PCDH11X: variants seen among roughly 807,000 people sequenced by gnomAD.
The protein encoded by PCDH11X is protocadherin 11 X-linked.
PCDH11X carries 18 observed loss-of-function variants against 53.3 expected under a neutral mutation model. The observed-to-expected ratio is 0.34, with a 90% confidence interval of 0.23 to 0.50. PCDH11X has a LOEUF of 0.50. Ranked by LOEUF, PCDH11X falls within the 20% of genes least tolerant of loss-of-function variation. PCDH11X has a pLI of 0.98. For missense variants in PCDH11X, 570 were observed against 1,032.4 expected, an observed-to-expected ratio of 0.55 and a Z score of 6.14; for synonymous variants, 279 against 393.3, an observed-to-expected ratio of 0.71 and a Z score of 3.44.
intron 6 of PCDH11X, among the ~76,000 whole-genome samples, chrX:91,932,143 C>T (rs1466765212): frequency 9.3e-6 from 1 of 107,538 alleles, no homozygotes; most frequent in Admixed American, 9.9e-5. Flanking sequence ...ATCCATGTCC[C>T]TGCAAAGGAC....
intron 10 of PCDH11X, among the ~76,000 whole-genome samples, chrX:92,577,512 G>A (rs1432044502): frequency 9.2e-6 from 1 of 109,279 alleles, no homozygotes; most frequent in Non-Finnish European, 1.9e-5. Context: ...GATTAGTTGA[G>A]TTTTTGAAGA....
intron 8 of PCDH11X, among the ~76,000 whole-genome samples, chrX:92,265,118 T>G (rs2067800123): frequency 9.2e-6 from 1 of 108,952 alleles, no homozygotes; most frequent in South Asian, 4.0e-4. Flanking sequence ...CAGGCTGGAG[T>G]GCAATGGCAC....
At position 91,978,668 on chromosome X, in the gene PCDH11X, T is replaced by G. The variant is rs1324558064; in HGVS notation, c.3033+99395T>G. On this transcript the variant is annotated intron_variant, in intron 6 of 10. Transcript: ENST00000682573. ...CCCTTGCTGTCTGTCTGATCCTCAA[T>G]CTCTTCCTCTTGTCCACTCAAACTT... Among the ~76,000 whole-genome samples the G allele has an allele frequency of 9.2e-4, 102 of 111,188 alleles. 1 individual carries two copies. The highest frequency in any genetic ancestry group is 3.2e-3 in the African/African-American group (98 of 30,681).
At chrX:91,912,516 C>A (rs959794055) in intron 6 of PCDH11X, among the ~76,000 whole-genome samples, 2 of 109,631 alleles carry the variant, frequency 1.8e-5, no homozygotes, top group African/African-American at 6.6e-5. Context: ...TCAGCATCAA[C>A]CAAAATGATT....
At chrX:92,549,743 C>T (rs1337306615) in intron 10 of PCDH11X, among the ~76,000 whole-genome samples, 1 of 109,704 alleles carries the variant, frequency 9.1e-6, no homozygotes, top group African/African-American at 3.3e-5. Flanking sequence ...AAAGTCATCT[C>T]ACTGAAATAT....
At chrX:92,278,490 G>A (rs185906149) in intron 8 of PCDH11X, among the ~76,000 whole-genome samples, 2,202 of 110,564 alleles carry the variant, frequency 0.02, 55 homozygotes, top group African/African-American at 0.069. Flanking sequence ...GGATGGGGCC[G>A]TTTTATAGGA....
chrX:92,163,788 T>C (rs2065684379), intron 6 of PCDH11X, among the ~76,000 whole-genome samples: 1 of 111,274 alleles, frequency 9.0e-6, no homozygotes, highest in Middle Eastern at 4.6e-3. Context: ...GGAGCAAAGG[T>C]TCACGATGCA....
At chrX:92,415,791 A>G (rs1268585574) in intron 9 of PCDH11X, among the ~76,000 whole-genome samples, 1 of 111,387 alleles carries the variant, frequency 9.0e-6, no homozygotes, top group Non-Finnish European at 1.9e-5. Context: ...CGAGGACACA[A>G]TTTAGACTGA....
intron 6 of PCDH11X, among the ~76,000 whole-genome samples, chrX:92,077,029 T>G (rs1394638145): frequency 1.8e-5 from 2 of 111,973 alleles, no homozygotes; most frequent in Non-Finnish European, 3.8e-5. Context: ...CTTTCATTAC[T>G]TTTGTTAATA....
At chrX:92,174,530 G>C (rs895655474) in intron 6 of PCDH11X, among the ~76,000 whole-genome samples, 1 of 111,811 alleles carries the variant, frequency 8.9e-6, no homozygotes, top group Admixed American at 9.5e-5. Flanking sequence ...ATCAAAAAAT[G>C]TAGAGAATCA....
chrX:92,148,053 CCTTCCTTT>C (rs1437732848), intron 6 of PCDH11X, among the ~76,000 whole-genome samples: 34 of 49,244 alleles, frequency 6.9e-4, no homozygotes, highest in African/African-American at 2.4e-3. Context: ...TTCCTTCCTT[CCTTCCTTT>C]CTTTCTTTCT....
chrX:91,980,916 C>G (rs1251260426), intron 6 of PCDH11X, among the ~76,000 whole-genome samples: 1 of 101,143 alleles, frequency 9.9e-6, no homozygotes, highest in Non-Finnish European at 2.0e-5. Flanking sequence ...GTTTTGAAGT[C>G]CTGTGTGAGG....
chrX:92,015,166 C>CT (rs760792016), intron 6 of PCDH11X, among the ~76,000 whole-genome samples: 7 of 110,364 alleles, frequency 6.3e-5, no homozygotes, highest in East Asian at 2.8e-4. Flanking sequence ...GCTTTGAAAT[C>CT]TTTTTTTTTA....
At chrX:92,098,044 A>G in intron 6 of PCDH11X, among the ~76,000 whole-genome samples, 1 of 110,978 alleles carries the variant, frequency 9.0e-6, no homozygotes, top group Non-Finnish European at 1.9e-5. Flanking sequence ...ACCCGTGGAT[A>G]CAAGGTGCCG....
chrX:91,807,013 A>G (rs1048249194), intron 1 of PCDH11X, among the ~76,000 whole-genome samples: 2 of 111,281 alleles, frequency 1.8e-5, no homozygotes, highest in Non-Finnish European at 3.8e-5. Context: ...TTATCTTTTA[A>G]CAGAAATATC....
In PCDH11X at chrX:92,143,462, C is replaced by T. The variant is rs184798081; in HGVS notation, c.3034-57913C>T. ...TGCCCTGTGTCCCAACCTCTCTAGT[C>T]GTGGCTGAAAGGGGCCAACGTAGAG... On this transcript the variant is annotated intron_variant, in intron 6 of 10. Coordinates refer to ENST00000682573, the MANE Select transcript of PCDH11X (RefSeq NM_032968.5). 3.7e-3 allele frequency among the ~76,000 whole-genome samples: 417 copies of T among 112,444 alleles called. 2 individuals are homozygous for T. The highest frequency in any genetic ancestry group is 0.013 in the African/African-American group (407 of 30,931).
chrX:92,570,722 G>T (rs1248991612), intron 10 of PCDH11X, among the ~76,000 whole-genome samples: 1 of 101,155 alleles, frequency 9.9e-6, no homozygotes, highest in Non-Finnish European at 2.0e-5. Context: ...CTCTCAAACA[G>T]CTCAGTTGGT....
At chrX:92,528,754 A>T (rs1360761228) in intron 10 of PCDH11X, among the ~76,000 whole-genome samples, 1 of 111,845 alleles carries the variant, frequency 8.9e-6, no homozygotes, top group Non-Finnish European at 1.9e-5. Context: ...GTTTTAATGA[A>T]GTTTTAAGTA....
At chrX:92,474,500 GT>G (rs2073333908) in intron 10 of PCDH11X, among the ~76,000 whole-genome samples, 1 of 93,203 alleles carries the variant, frequency 1.1e-5, no homozygotes, top group Admixed American at 1.3e-4. Context: ...TTTGTTTTCT[GT>G]TCATTTTGTG....
Sources: gnomAD v4.1 joint callset for allele counts (sites outside exome capture counted in the v4.1 genomes callset) on GRCh38, gnomAD v4.1.1 for gene constraint, MANE v1.5 for transcripts, NCBI Gene and HGNC (gene_info 2026-07-23, HGNC 2026-07-21) for gene names.